Variants in COL5A2 observed in about 807,000 individuals in gnomAD.
COL5A2 encodes the protein collagen type V alpha 2 chain, also known as collagen alpha-2(V) chain.
A neutral mutation model predicts 208.2 loss-of-function variants in COL5A2; 23 were observed. That is an observed-to-expected ratio of 0.11 (90% CI 0.08 to 0.16). The LOEUF (loss-of-function observed/expected upper bound fraction) is 0.16. COL5A2 is among the 10% of genes least tolerant of loss of function. COL5A2 has a pLI of 1.00. For synonymous variants in COL5A2, 625 were observed against 628.5 expected (o/e 0.99, Z 0.08); for missense variants, 1,590 against 1,956.4 (o/e 0.81, Z 3.53).
chr2:189,041,979 G>A (rs550507150), intron 49 of COL5A2, among the ~76,000 whole-genome samples: 3 of 152,208 alleles, frequency 2.0e-5, no homozygotes, highest in South Asian at 2.1e-4. Context: ...CTCACATATT[G>A]TAAACTTAGA....
chr2:189,240,138 A>G, the COL5A2 span, among the ~76,000 whole-genome samples: 1 of 152,232 alleles, frequency 6.6e-6, no homozygotes, highest in Non-Finnish European at 1.5e-5. Context: ...ATATTTGAAG[A>G]AAATACTGAA....
rs770141309 is a variant in COL5A2 at position 189,110,249 on chromosome 2, G to A, written c.298C>T (p.Pro100Ser). ...GECCPVCSQT[P>S]GGGNTNFGRG... ...CCAAAATTGGTATTGCCACCTCCAGGTGTTTGTGAACAGACAGGACAGCAT... is the reference window on the plus strand; with the variant it reads ...CCAAAATTGGTATTGCCACCTCCAGATGTTTGTGAACAGACAGGACAGCAT... Residue 100 changes from proline (P) to serine (S), a missense_variant, in exon 2 of 54, where the codon CCT becomes TCT. Physicochemically the swap from Pro to Ser is moderately conservative, Grantham distance 74 (BLOSUM62 -1). Transcript: ENST00000374866. 2 of 1,613,936 alleles carry A rather than the reference G, an allele frequency of 1.2e-6. No homozygotes were observed. Among genetic ancestry groups the A allele is most frequent in the Non-Finnish European group, 1.7e-6 (2 of 1,179,876 alleles).
chr2:189,067,993 T>C (rs1366752627), intron 21 of COL5A2, 22 bp downstream of exon 21: 5 of 1,577,266 alleles, frequency 3.2e-6, no homozygotes, highest in Non-Finnish European at 4.4e-6. Context: ...TAAAGGATGA[T>C]AGTTCTTTCA....
At chr2:189,144,548 G>A (rs1688002332) in intron 1 of COL5A2, among the ~76,000 whole-genome samples, 1 of 151,210 alleles carries the variant, frequency 6.6e-6, no homozygotes, top group African/African-American at 2.4e-5. Flanking sequence ...ACATATATAT[G>A]TTATATGTAT....
At chr2:189,063,088 A>T (rs750244351) in intron 27 of COL5A2, 25 bp from the exon 28 acceptor site, 6 of 1,613,888 alleles carry the variant, frequency 3.7e-6, no homozygotes, top group Non-Finnish European at 5.1e-6. Flanking sequence ...AAACTTTTGT[A>T]TAATTCCTTC....
chr2:189,269,834 C>A, the COL5A2 span, among the ~76,000 whole-genome samples: 1 of 152,126 alleles, frequency 6.6e-6, no homozygotes, highest in Non-Finnish European at 1.5e-5. Flanking sequence ...CTTTGTACCT[C>A]TGGTAGAATT....
At chr2:189,164,416 T>G (rs1688427079) in intron 1 of COL5A2, among the ~76,000 whole-genome samples, 1 of 152,102 alleles carries the variant, frequency 6.6e-6, no homozygotes, top group South Asian at 2.1e-4. Flanking sequence ...TTTTTTTTAC[T>G]ATTTAATTCC....
chr2:189,116,101 AG>A (rs1486730046), intron 1 of COL5A2, among the ~76,000 whole-genome samples: 1 of 152,222 alleles, frequency 6.6e-6, no homozygotes, highest in Non-Finnish European at 1.5e-5. Flanking sequence ...GGGATTGTGA[AG>A]ATCTGGGCTA....
the COL5A2 span, among the ~76,000 whole-genome samples, chr2:189,380,226 C>T: frequency 7.9e-5 from 12 of 151,780 alleles, no homozygotes; most frequent in African/African-American, 2.4e-4. Context: ...ATTCCAGAAC[C>T]CACTAGGATG....
chr2:189,432,399 G>A, the COL5A2 span, among the ~76,000 whole-genome samples: 1 of 152,166 alleles, frequency 6.6e-6, no homozygotes. Context: ...ATTGGATAAA[G>A]AGTCAAGACC....
intron 52 of COL5A2, 27 bp from the exon 53 acceptor site, chr2:189,035,182 A>G: frequency 6.2e-7 from 1 of 1,613,542 alleles, no homozygotes; most frequent in Non-Finnish European, 8.5e-7. Context: ...TCTTTGTCAT[A>G]CACAAGACTG....
the COL5A2 span, among the ~76,000 whole-genome samples, chr2:189,271,971 CGTTA>C: frequency 6.6e-6 from 1 of 152,116 alleles, no homozygotes; most frequent in Non-Finnish European, 1.5e-5. Flanking sequence ...TACCATCTTA[CGTTA>C]GTTAGAATGG....
intron 17 of COL5A2, among the ~76,000 whole-genome samples, chr2:189,074,106 G>C (rs2105618835): frequency 6.6e-6 from 1 of 152,184 alleles, no homozygotes; most frequent in South Asian, 2.1e-4. Flanking sequence ...ATTTACATTT[G>C]ATTCTATGTT....
intron 35 of COL5A2, among the ~76,000 whole-genome samples, chr2:189,056,516 A>G (rs182665645): frequency 8.9e-4 from 136 of 152,256 alleles, no homozygotes; most frequent in Middle Eastern, 3.4e-3. Context: ...CTGTTTATTA[A>G]TGATAACATT....
chr2:189,179,221 T>C (rs747734553), intron 1 of COL5A2, among the ~76,000 whole-genome samples: 2 of 152,168 alleles, frequency 1.3e-5, no homozygotes, highest in Non-Finnish European at 2.9e-5. Flanking sequence ...AAGCATTCAC[T>C]CTTTTCTTAT....
chr2:189,131,540 G>C (rs989788524), intron 1 of COL5A2, among the ~76,000 whole-genome samples: 2 of 152,082 alleles, frequency 1.3e-5, no homozygotes, highest in Admixed American at 6.6e-5. Context: ...AAAAAATTTA[G>C]GGTCCAAGGT....
intron 1 of COL5A2, among the ~76,000 whole-genome samples, chr2:189,207,653 A>G (rs1372032628): frequency 6.6e-6 from 1 of 152,128 alleles, no homozygotes; most frequent in Non-Finnish European, 1.5e-5. Flanking sequence ...AAATTTCTCA[A>G]ACAACTTCTC....
At chr2:189,203,148 G>A (rs1261818011) in intron 1 of COL5A2, among the ~76,000 whole-genome samples, 2 of 152,184 alleles carry the variant, frequency 1.3e-5, no homozygotes, top group Non-Finnish European at 2.9e-5. Flanking sequence ...GAAATACAAT[G>A]AGGATATATC....
At chr2:189,312,296 C>T in the COL5A2 span, among the ~76,000 whole-genome samples, 4 of 152,078 alleles carry the variant, frequency 2.6e-5, no homozygotes, top group African/African-American at 9.7e-5. Flanking sequence ...GCATGGTATC[C>T]TTCTCGTTCT....
Sources: allele counts gnomAD v4.1 joint callset (sites outside exome capture counted in the v4.1 genomes callset), GRCh38; gene constraint gnomAD v4.1.1; transcripts MANE v1.5; gene names NCBI Gene and HGNC (gene_info 2026-07-23, HGNC 2026-07-21).